The following HUWE1 variants were observed in gnomAD, a reference collection of about 807,000 sequenced individuals.
HUWE1 encodes HECT, UBA and WWE domain containing E3 ubiquitin protein ligase 1, also known as E3 ubiquitin-protein ligase HUWE1.
A neutral mutation model predicts 299.4 loss-of-function variants in HUWE1; 18 were observed. The observed-to-expected ratio is 0.06, with a 90% CI of 0.04 to 0.09. The LOEUF (loss-of-function observed/expected upper bound fraction) is 0.09. HUWE1 is among the 10% of genes least tolerant of loss of function. HUWE1 has a pLI of 1.00. For missense variants in HUWE1, 1,832 were observed against 3,462.3 expected, an observed-to-expected ratio of 0.53 and a Z score of 11.82; for synonymous variants, 1,317 against 1,286.1, an observed-to-expected ratio of 1.02 and a Z score of -0.51.
At chrX:53,533,738 T>G in intron 83 of HUWE1, 1 of 442,718 alleles carries the variant, frequency 2.3e-6, no homozygotes, top group African/African-American at 2.4e-5. Context: ...TTTTGCTCCC[T>G]GCAACTCCTC....
Position 53,535,524 on chromosome X carries a change from C to G in HUWE1, c.12532-23G>C, listed in dbSNP as rs782789913. The G allele has an allele frequency of 1.3e-5, 13 of 994,481 alleles. No homozygotes were observed. In the South Asian group the frequency reaches 2.3e-4, roughly 18 times the overall value. The allele number at this position is 994,481 out of a possible 1,213,427, so 82.0% of individuals were successfully genotyped here. A position where few individuals can be genotyped will look rare whatever the true frequency, so the allele number is the denominator to read the frequency against. The stretch of plus-strand genomic sequence containing the variant: ...GACCTAGAACAACCAAAACACCAAT[C>G]ATACATATCAGACTTCATCTAGGAT... On this transcript the variant is annotated intron_variant, in intron 80 of 83. Transcript: ENST00000262854.
At chrX:53,541,941 G>T (rs1556918871) in intron 74 of HUWE1, among the ~76,000 whole-genome samples, 1 of 111,939 alleles carries the variant, frequency 8.9e-6, no homozygotes, top group East Asian at 2.8e-4. Flanking sequence ...AACACTCTGG[G>T]AGGCCAAGAC....
At chrX:53,625,321 A>G (rs1033754507) in intron 17 of HUWE1, 63 bp from the exon 18 acceptor site, 1 of 746,772 alleles carries the variant, frequency 1.3e-6, no homozygotes, top group African/African-American at 2.0e-5. Flanking sequence ...ATGATCAAGC[A>G]CATAAAACAA....
rs1388364654 is a variant in HUWE1 at position 53,686,574 on chromosome X, G to T, written c.-262+14C>A. On this transcript the variant is annotated intron_variant, in intron 1 of 83. Coordinates refer to ENST00000262854, the MANE Select transcript of HUWE1 (RefSeq NM_031407.7). ...GTACAGAGCTCGCCCTCCAGCCCAG[G>T]GATAGACGCTCACCTCGGCCGCAAT... The T allele has an allele frequency of 8.8e-6, 1 of 113,152 alleles. No homozygotes were observed. Among genetic ancestry groups the T allele is most frequent in the Non-Finnish European group, 1.9e-5 (1 of 53,754 alleles). The allele number at this position is 113,152 out of a possible 1,213,427, so 9.3% of individuals were successfully genotyped here.
rs373180766 is a variant in HUWE1 at position 53,539,167 on chromosome X, A to G, written c.11633-87T>C. The G allele has an allele frequency of 8.2e-6, 8 of 980,356 alleles. No homozygotes were observed. The African/African-American group carries it at 1.4e-4, about 17-fold the overall frequency. 80.8% of individuals were successfully genotyped at this position (980,356 alleles called of 1,213,427 possible). A position where few individuals can be genotyped will look rare whatever the true frequency, so the allele number is the denominator to read the frequency against. ...TTTGCCATCATAAACAAATTATAAA[A>G]ATAAATAAGGAAGAAGAAATAGTGA... On this transcript the variant is annotated intron_variant, in intron 75 of 83. Coordinates refer to ENST00000262854, the MANE Select transcript of HUWE1 (RefSeq NM_031407.7).
intron 23 of HUWE1, among the ~76,000 whole-genome samples, chrX:53,609,259 T>C (rs1429542259): frequency 9.0e-6 from 1 of 111,709 alleles, no homozygotes; most frequent in Non-Finnish European, 1.9e-5. Context: ...TTAGTATACA[T>C]CACAAGAGAA....
At position 53,680,191 on chromosome X, in the gene HUWE1, A is replaced by C. The variant is rs782098962; in HGVS notation, c.-162-5T>G. 3.6e-5 allele frequency: 10 copies of C among 277,257 alleles called. No homozygotes were observed. The South Asian group carries it at 2.2e-3, about 61-fold the overall frequency. The allele number at this position is 277,257 out of a possible 1,213,427, so 22.8% of individuals were successfully genotyped here. A position where few individuals can be genotyped will look rare whatever the true frequency, so the allele number is the denominator to read the frequency against. On this transcript the variant is annotated splice_region_variant and splice_polypyrimidine_tract_variant and intron_variant, in intron 2 of 83. Coordinates refer to ENST00000262854, the MANE Select transcript of HUWE1 (RefSeq NM_031407.7). ...CAGGTCAGGCTGCTGGAGGACCTAC[A>C]AAAAAAAAGTTGGGGGAGAGGAGTG...
At chrX:53,544,992 G>T in intron 71 of HUWE1, 37 bp downstream of exon 71, 1 of 1,200,426 alleles carries the variant, frequency 8.3e-7, no homozygotes, top group Non-Finnish European at 1.1e-6. Context: ...GAATATCCCA[G>T]ATTCAAGCCC....
chrX:53,605,805 GCATAAAGACAGA>G (rs2065117997), intron 25 of HUWE1, among the ~76,000 whole-genome samples: 2 of 111,693 alleles, frequency 1.8e-5, no homozygotes, highest in South Asian at 7.4e-4. Flanking sequence ...TGTGATACTG[GCATAAAGACAGA>G]CGTAAAGACC....
chrX:53,557,289 A>C (rs1569439179), intron 60 of HUWE1, 93 bp downstream of exon 60: 2 of 750,791 alleles, frequency 2.7e-6, no homozygotes, highest in Non-Finnish European at 4.2e-6. Flanking sequence ...ACCAGTGTCC[A>C]TCTTCAGCCT....
intron 11 of HUWE1, 111 bp downstream of exon 11, chrX:53,631,303 T>TG: frequency 1.6e-6 from 1 of 633,893 alleles, no homozygotes. Flanking sequence ...GCCCATGGTC[T>TG]GACTCCAAAG....
At chrX:53,596,831 T>G (rs782640915) in intron 29 of HUWE1, among the ~76,000 whole-genome samples, 1 of 112,557 alleles carries the variant, frequency 8.9e-6, no homozygotes, top group South Asian at 3.7e-4. Flanking sequence ...AAGAAAAAGT[T>G]GAATTATTTG....
chrX:53,617,852 G>A (rs914856026), intron 19 of HUWE1, among the ~76,000 whole-genome samples: 3 of 111,777 alleles, frequency 2.7e-5, no homozygotes, highest in East Asian at 2.8e-4. Flanking sequence ...ACATATATCC[G>A]TTTTTGTCTG....
chrX:53,632,318 T>C (rs1352959339), intron 9 of HUWE1, among the ~76,000 whole-genome samples, 169 bp downstream of exon 9: 1 of 111,274 alleles, frequency 9.0e-6, no homozygotes, highest in Admixed American at 9.6e-5. Context: ...CCTATCAGAG[T>C]TGGGGATGCA....
At chrX:53,683,557 C>G (rs1430202398) in intron 2 of HUWE1, among the ~76,000 whole-genome samples, 1 of 110,736 alleles carries the variant, frequency 9.0e-6, no homozygotes, top group African/African-American at 3.3e-5. Context: ...AATCCGCCCA[C>G]TGCGGCGGCG....
intron 3 of HUWE1, among the ~76,000 whole-genome samples, chrX:53,654,536 A>G (rs929154723): frequency 4.5e-5 from 5 of 112,146 alleles, no homozygotes; most frequent in Non-Finnish European, 7.5e-5. Flanking sequence ...GTAAAGATGT[A>G]CACAAATATT....
At chrX:53,536,096 G>A in intron 80 of HUWE1, 51 bp downstream of exon 80, 1 of 796,750 alleles carries the variant, frequency 1.3e-6, no homozygotes, top group Non-Finnish European at 1.9e-6. Context: ...AACCTGGAAT[G>A]GATCTTCCAG....
In HUWE1 at chrX:53,639,276, G is replaced by A. The variant is rs1557028750; in HGVS notation, c.505-4978C>T. Among the ~76,000 whole-genome samples the A allele has an allele frequency of 3.6e-5, 4 of 111,779 alleles. No individual in the cohort carries two copies. In the South Asian group the frequency reaches 1.1e-3, roughly 31 times the overall value. On this transcript the variant is annotated intron_variant, in intron 7 of 83. Coordinates refer to ENST00000262854, the MANE Select transcript of HUWE1 (RefSeq NM_031407.7). ...TACTGATCAGTGAAGTGCCAATAAA[G>A]TCACACTGAGATTTCTGGGACTCTA...
At chrX:53,674,581 T>G (rs1441352429) in intron 3 of HUWE1, among the ~76,000 whole-genome samples, 1 of 112,345 alleles carries the variant, frequency 8.9e-6, no homozygotes, top group East Asian at 2.8e-4. Flanking sequence ...AACTTATTTG[T>G]ATAGCATTTT....
Sources: allele counts gnomAD v4.1 joint callset (sites outside exome capture counted in the v4.1 genomes callset), GRCh38; gene constraint gnomAD v4.1.1; transcripts MANE v1.5; gene names NCBI Gene and HGNC (gene_info 2026-07-23, HGNC 2026-07-21).